RAPGEF4: variants seen among roughly 807,000 people sequenced by gnomAD.
RAPGEF4 encodes the protein RAP guanine-nucleotide-exchange factor (GEF) 4.
RAPGEF4 carries 66 observed loss-of-function variants against 147.9 expected under a neutral mutation model. That is an observed-to-expected ratio of 0.45 (90% CI 0.37 to 0.55). The LOEUF (loss-of-function observed/expected upper bound fraction) is 0.55, where lower values mean the gene tolerates loss of function less well. Among genes scored for constraint, RAPGEF4 ranks in the 20% least tolerant of loss-of-function variants. RAPGEF4 has a pLI of 0.00. For synonymous variants in RAPGEF4, 419 were observed against 442.7 expected (o/e 0.95, Z 0.67); for missense variants, 1,071 against 1,257.3 (o/e 0.85, Z 2.24).
intron 3 of RAPGEF4, among the ~76,000 whole-genome samples, chr2:172,808,833 G>A (rs375663875): frequency 6.6e-6 from 1 of 152,190 alleles, no homozygotes; most frequent in African/African-American, 2.4e-5. Flanking sequence ...CCACTCTGCT[G>A]CTTCCAGGGG....
chr2:172,914,503 A>G (rs1321087512), intron 4 of RAPGEF4, among the ~76,000 whole-genome samples: 1 of 151,360 alleles, frequency 6.6e-6, no homozygotes, highest in Non-Finnish European at 1.5e-5. Context: ...CCTGCCGGAA[A>G]TATGCATTTT....
At chr2:173,018,004 A>T (rs1174293450) in intron 21 of RAPGEF4, among the ~76,000 whole-genome samples, 5 of 152,234 alleles carry the variant, frequency 3.3e-5, no homozygotes, top group Non-Finnish European at 7.3e-5. Flanking sequence ...AATAATAATG[A>T]TAAAAATTTC....
intron 23 of RAPGEF4, among the ~76,000 whole-genome samples, chr2:173,021,293 C>A (rs2105922111): frequency 6.6e-6 from 1 of 152,256 alleles, no homozygotes; most frequent in Non-Finnish European, 1.5e-5. Flanking sequence ...GTGGTAGCAT[C>A]CATTTCTATT....
At chr2:172,963,756 C>G (rs553613702) in intron 8 of RAPGEF4, among the ~76,000 whole-genome samples, 3 of 152,336 alleles carry the variant, frequency 2.0e-5, no homozygotes, top group East Asian at 1.9e-4. Context: ...TCCATCCTCT[C>G]TCTCCCTCCT....
intron 1 of RAPGEF4, among the ~76,000 whole-genome samples, chr2:172,774,517 C>T (rs934689510): frequency 1.4e-4 from 21 of 152,152 alleles, no homozygotes; most frequent in African/African-American, 5.1e-4. Context: ...ACATTTTAAC[C>T]TCTGTTTGTA....
At chr2:172,984,776 C>T (rs1692064257) in intron 11 of RAPGEF4, among the ~76,000 whole-genome samples, 1 of 152,162 alleles carries the variant, frequency 6.6e-6, no homozygotes, top group Admixed American at 6.5e-5. Context: ...GATCCGACTT[C>T]CCTGGTCTCA....
At chr2:172,800,044 T>A (rs935638093) in intron 3 of RAPGEF4, among the ~76,000 whole-genome samples, 1 of 152,178 alleles carries the variant, frequency 6.6e-6, no homozygotes, top group African/African-American at 2.4e-5. Flanking sequence ...TAATTTTAGA[T>A]TTACCTATAA....
intron 4 of RAPGEF4, among the ~76,000 whole-genome samples, chr2:172,902,726 G>A (rs900722604): frequency 2.0e-5 from 3 of 152,186 alleles, no homozygotes; most frequent in Non-Finnish European, 2.9e-5. Context: ...ATGATATAAA[G>A]TATGGGCCTG....
intron 16 of RAPGEF4, among the ~76,000 whole-genome samples, chr2:173,000,746 C>CTTTTTTTTTTTTT (rs869055162): frequency 1.4e-5 from 1 of 72,792 alleles, no homozygotes; most frequent in Non-Finnish European, 3.3e-5. Context: ...TCTTTTCTTT[C>CTTTTTTTTTTTTT]TTTCTTTTTT....
chr2:172,837,516 T>A (rs1691092188), intron 4 of RAPGEF4, among the ~76,000 whole-genome samples: 1 of 152,180 alleles, frequency 6.6e-6, no homozygotes, highest in East Asian at 1.9e-4. Context: ...AACAAACCAA[T>A]AAACAAGTAA....
chr2:172,850,668 T>A (rs1399153327), intron 4 of RAPGEF4, among the ~76,000 whole-genome samples: 4 of 152,054 alleles, frequency 2.6e-5, no homozygotes, highest in African/African-American at 7.2e-5. Flanking sequence ...AAATTTTATA[T>A]AAAGTAAAGA....
rs1486298673 is a variant in RAPGEF4 at position 172,925,777 on chromosome 2, A to AAAAGAGAGAGAG, written c.537+3478_537+3479insAAGAGAGAGAGA. The stretch of plus-strand genomic sequence containing the variant: ...AAAGAGAGAAAGGAAGAAAGAAAGA[A>AAAAGAGAGAGAG]AGAGAGAGAGAGAGAGAGAGAAAGA... On this transcript the variant is annotated intron_variant, in intron 6 of 30. Coordinates refer to ENST00000397081, the MANE Select transcript of RAPGEF4 (RefSeq NM_007023.4). Among the ~76,000 whole-genome samples, 805 of 133,890 alleles carry AAAAGAGAGAGAG rather than the reference A, an allele frequency of 6.0e-3. 4 individuals are homozygous for AAAAGAGAGAGAG. The highest frequency in any genetic ancestry group is 8.6e-3 in the Non-Finnish European group (556 of 64,444). 87.8% of individuals were successfully genotyped at this position (133,890 alleles called of 152,430 possible).
intron 1 of RAPGEF4, among the ~76,000 whole-genome samples, chr2:172,772,966 G>C (rs1413573673): frequency 1.3e-5 from 2 of 152,156 alleles, no homozygotes; most frequent in Non-Finnish European, 1.5e-5. Context: ...ATCACTCTTT[G>C]ATCCCTTTCT....
chr2:172,757,295 C>G (rs1022433029), intron 1 of RAPGEF4, among the ~76,000 whole-genome samples: 1 of 152,220 alleles, frequency 6.6e-6, no homozygotes, highest in African/African-American at 2.4e-5. Flanking sequence ...TTTTCTAAAG[C>G]ATACTGAGTA....
intron 1 of RAPGEF4, among the ~76,000 whole-genome samples, chr2:172,784,591 C>T (rs1183335904): frequency 6.6e-6 from 1 of 151,302 alleles, no homozygotes; most frequent in Non-Finnish European, 1.5e-5. Context: ...GCATTTTCAA[C>T]ACCTTTCTGA....
At chr2:172,784,102 T>A (rs1684951116) in intron 1 of RAPGEF4, among the ~76,000 whole-genome samples, 1 of 152,208 alleles carries the variant, frequency 6.6e-6, no homozygotes, top group African/African-American at 2.4e-5. Context: ...TTGCTGTAGA[T>A]GTACGTATCT....
At chr2:172,741,838 A>T (rs1694326399) in intron 1 of RAPGEF4, among the ~76,000 whole-genome samples, 1 of 152,014 alleles carries the variant, frequency 6.6e-6, no homozygotes. Flanking sequence ...TGCCTGGCTA[A>T]TTTTAAAAAT....
rs573596077 is a variant in RAPGEF4 at position 173,005,520 on chromosome 2, G to GTTTTTTTTTTTTTTTTT, written c.1658+4181_1658+4197dup. Among the ~76,000 whole-genome samples, 26 of 86,714 alleles carry GTTTTTTTTTTTTTTTTT rather than the reference G, an allele frequency of 3.0e-4. 1 individual carries two copies. The highest frequency in any genetic ancestry group is 5.1e-4 in the African/African-American group (11 of 21,694). 56.9% of individuals were successfully genotyped at this position (86,714 alleles called of 152,430 possible). A position where few individuals can be genotyped will look rare whatever the true frequency, so the allele number is the denominator to read the frequency against. On this transcript the variant is annotated intron_variant, in intron 17 of 30. Coordinates refer to ENST00000397081, the MANE Select transcript of RAPGEF4 (RefSeq NM_007023.4). ...TTTGTTGTTGTTGTTGTTGTTTTGT[G>GTTTTTTTTTTTTTTTTT]TTTTTTTTTTTTTTTTTTTTTGAGA...
intron 23 of RAPGEF4, among the ~76,000 whole-genome samples, 188 bp from the exon 24 acceptor site, chr2:173,026,384 T>C (rs62175776): frequency 0.019 from 2,845 of 152,276 alleles, 40 homozygotes; most frequent in Middle Eastern, 0.034. Flanking sequence ...GTAATGATGA[T>C]TGGTGACTTA....
Sources: gnomAD v4.1 joint callset for allele counts (sites outside exome capture counted in the v4.1 genomes callset) on GRCh38, gnomAD v4.1.1 for gene constraint, MANE v1.5 for transcripts, NCBI Gene and HGNC (gene_info 2026-07-23, HGNC 2026-07-21) for gene names.